The following BEND2 variants were observed in gnomAD, a reference collection of about 807,000 sequenced individuals.
BEND2 encodes the protein BEN domain containing 2, also known as BEN domain-containing protein 2.
In BEND2, 19 loss-of-function variants were observed where a neutral mutation model predicts 43.8. That is an observed-to-expected ratio of 0.43 (90% CI 0.30 to 0.64). BEND2 has a LOEUF of 0.64. Among genes scored for constraint, BEND2 ranks in the 30% least tolerant of loss-of-function variants. BEND2 has a pLI of 0.11. For missense variants in BEND2, 544 were observed against 574.0 expected, an observed-to-expected ratio of 0.95 and a Z score of 0.53; for synonymous variants, 226 against 210.1, an observed-to-expected ratio of 1.08 and a Z score of -0.66.
rs757165944 is a variant in BEND2, at chrX:18,220,684, G to C, written c.25+42C>G. ...GCCATCCAGACTCTTGACAGAACTT[G>C]AGGCCCAAGCTAGCGGGCCAGTTGA... On this transcript the variant is annotated intron_variant, in intron 1 of 13. Coordinates refer to ENST00000380033, the MANE Select transcript of BEND2 (RefSeq NM_153346.5). 5.0e-6 allele frequency: 6 copies of C among 1,208,579 alleles called. No homozygotes were observed. The East Asian group carries it at 1.8e-4, about 36-fold the overall frequency.
At position 18,191,044 on chromosome X, in the gene BEND2, G is replaced by A; in HGVS notation, c.1245C>T (p.Asp415=). 2 of 1,210,146 alleles carry A rather than the reference G, an allele frequency of 1.7e-6. No homozygotes were observed. The highest frequency in any genetic ancestry group is 2.2e-6 in the Non-Finnish European group (2 of 894,932). ...AGGCAGATGCTGAAGCATCATCTTG[G>A]TCACAGTTATTTTTCATTTCAGTTG... ...SYSTEMKNNC[D]QDDASASACL... is the part of the protein sequence containing the mutation. Residue 415 remains aspartate, a synonymous_variant, in exon 8 of 14, where the codon GAC becomes GAT. Coordinates refer to ENST00000380033, the MANE Select transcript of BEND2 (RefSeq NM_153346.5).
chrX:18,200,502 CAA>C (rs397895069), intron 6 of BEND2, among the ~76,000 whole-genome samples: 15 of 38,640 alleles, frequency 3.9e-4, no homozygotes, highest in Non-Finnish European at 3.8e-4. Context: ...GACTCTGTCT[CAA>C]AAAAAAAAAA....
chrX:18,175,969 T>G lies in BEND2; in HGVS notation c.1752+3A>C. The G allele has an allele frequency of 8.5e-7, 1 of 1,182,958 alleles. No individual in the cohort carries two copies. The highest frequency in any genetic ancestry group is 1.1e-6 in the Non-Finnish European group (1 of 880,236). ...TACCATATTTAGATGAAAAATAACT[T>G]ACTGGAGTACTCTTGCCTTCAGAAC... On this transcript the variant is annotated splice_donor_region_variant and intron_variant, in intron 11 of 13. Coordinates refer to ENST00000380033, the MANE Select transcript of BEND2 (RefSeq NM_153346.5).
At chrX:18,220,564 G>T (rs999813375) in intron 1 of BEND2, among the ~76,000 whole-genome samples, 162 bp downstream of exon 1, 1 of 112,245 alleles carries the variant, frequency 8.9e-6, no homozygotes, top group Non-Finnish European at 1.9e-5. Flanking sequence ...CTGAGCAATC[G>T]GCGGCAGATG....
Position 18,177,715 on chromosome X carries a change from G to A in BEND2, c.1484C>T (p.Ala495Val), listed in dbSNP as rs1241168674. 2 of 1,210,601 alleles carry A rather than the reference G, an allele frequency of 1.7e-6. No individual in the cohort carries two copies. The highest frequency in any genetic ancestry group is 2.2e-6 in the Non-Finnish European group (2 of 894,863). ...CTTAGGTTTGGCCATATTTTGTACG[G>A]CCAGCAAATGGATTTTAAGTACTCT... ...NVRVLKIHLL[A>V]VQNMAKPKQA... Residue 495 changes from alanine to valine, a missense_variant, in exon 10 of 14, where the codon GCC becomes GTC. Ala to Val is a moderately conservative substitution (Grantham distance 64, BLOSUM62 0). This residue lies in a region of BEND2 where 501 missense variants were observed against 501.6 expected (regional missense o/e 1.00). Coordinates refer to ENST00000380033, the MANE Select transcript of BEND2 (RefSeq NM_153346.5).
At chrX:18,183,802 TG>T (rs1031838283) in intron 8 of BEND2, among the ~76,000 whole-genome samples, 1 of 109,443 alleles carries the variant, frequency 9.1e-6, no homozygotes, top group Non-Finnish European at 1.9e-5. Context: ...GAGGGAAGAG[TG>T]GGAAGGACTT....
chrX:18,185,353 C>T (rs1370711597), intron 8 of BEND2, among the ~76,000 whole-genome samples: 1 of 107,823 alleles, frequency 9.3e-6, no homozygotes, highest in East Asian at 2.9e-4. Flanking sequence ...ACGTGACGAA[C>T]CCCCATTTCT....
intron 6 of BEND2, among the ~76,000 whole-genome samples, chrX:18,200,997 A>G (rs1438350141): frequency 2.7e-5 from 3 of 112,280 alleles, no homozygotes; most frequent in Non-Finnish European, 5.6e-5. Flanking sequence ...GCTAAAGCAT[A>G]AACAGTTCTC....
At chrX:18,174,362 G>T in intron 11 of BEND2, 104 bp from the exon 12 acceptor site, 1 of 694,716 alleles carries the variant, frequency 1.4e-6, no homozygotes, top group South Asian at 2.7e-5. Context: ...GGAAGCAACT[G>T]ACTCTTTAAA....
At chrX:18,212,999 G>T (rs1218306648) in intron 3 of BEND2, among the ~76,000 whole-genome samples, 2 of 111,332 alleles carry the variant, frequency 1.8e-5, no homozygotes, top group Non-Finnish European at 3.8e-5. Flanking sequence ...TTTTGTAAAG[G>T]AGCCCCCAAA....
intron 8 of BEND2, among the ~76,000 whole-genome samples, chrX:18,189,214 A>C (rs1239111572): frequency 9.2e-6 from 1 of 108,838 alleles, no homozygotes; most frequent in Non-Finnish European, 1.9e-5. Context: ...AAAAAAAAAA[A>C]AAATCATTCA....
At chrX:18,168,474 G>A (rs1923879763) in intron 13 of BEND2, among the ~76,000 whole-genome samples, 1 of 112,020 alleles carries the variant, frequency 8.9e-6, no homozygotes, top group Non-Finnish European at 1.9e-5. Flanking sequence ...AAGTGTTCAA[G>A]CCCAGGGGAG....
At chrX:18,219,140 C>T (rs751027904) in intron 1 of BEND2, among the ~76,000 whole-genome samples, 24 of 112,246 alleles carry the variant, frequency 2.1e-4, no homozygotes, top group Admixed American at 1.9e-4. Flanking sequence ...AGAACCGTAT[C>T]CCATCGCCCA....
chrX:18,207,747 A>T (rs779366080), intron 4 of BEND2, among the ~76,000 whole-genome samples: 2 of 112,970 alleles, frequency 1.8e-5, no homozygotes, highest in Non-Finnish European at 3.7e-5. Flanking sequence ...GGTCAGGCAC[A>T]GTGGCTCACG....
rs1327448533 is a variant in BEND2, at chrX:18,220,865, C to T, written c.-115G>A. The stretch of plus-strand genomic sequence containing the variant: ...TTGGTAACTGTGTGGTAACTGCGTA[C>T]ACTCGTTGTCCGAGGCACAATGAGG... On this transcript the variant is annotated 5_prime_UTR_variant, in exon 1 of 14. Transcript: ENST00000380033. The T allele has an allele frequency of 1.2e-6, 1 of 858,954 alleles. No homozygotes were observed. Among genetic ancestry groups the T allele is most frequent in the Non-Finnish European group, 1.6e-6 (1 of 614,666 alleles). The allele number at this position is 858,954 out of a possible 1,213,427, so 70.8% of individuals were successfully genotyped here.
intron 8 of BEND2, among the ~76,000 whole-genome samples, chrX:18,181,594 A>G (rs765818347): frequency 8.9e-6 from 1 of 112,154 alleles, no homozygotes; most frequent in Non-Finnish European, 1.9e-5. Context: ...TCTGATACCT[A>G]TAACAATGAT....
rs1196687680 is a variant in BEND2 at position 18,166,011 on chromosome X, A to T, written c.2186-788T>A. Among the ~76,000 whole-genome samples, 3 of 112,047 alleles carry T rather than the reference A, an allele frequency of 2.7e-5. No individual in the cohort carries two copies. In the Admixed American group the frequency reaches 2.8e-4, roughly 11 times the overall value. On this transcript the variant is annotated intron_variant, in intron 13 of 13. Coordinates refer to ENST00000380033, the MANE Select transcript of BEND2 (RefSeq NM_153346.5). ...TGCCATAAACATCACATATATCCAA[A>T]TTTTTTAGCAAAGCATGTGTCAAGG... is the stretch of plus-strand genomic sequence containing the variant.
rs752269632 is a variant in BEND2 at position 18,175,965 on chromosome X, A to G, written c.1752+7T>C. 5.9e-6 allele frequency: 7 copies of G among 1,179,250 alleles called. No individual in the cohort carries two copies. The highest frequency in any genetic ancestry group is 4.8e-5 in the Admixed American group (2 of 41,530). On this transcript the variant is annotated splice_region_variant and intron_variant, in intron 11 of 13. Coordinates refer to ENST00000380033, the MANE Select transcript of BEND2 (RefSeq NM_153346.5). ...CAGTTACCATATTTAGATGAAAAAT[A>G]ACTTACTGGAGTACTCTTGCCTTCA...
At chrX:18,206,701 G>T (rs1391870501) in intron 4 of BEND2, among the ~76,000 whole-genome samples, 2 of 110,957 alleles carry the variant, frequency 1.8e-5, no homozygotes, top group Non-Finnish European at 3.8e-5. Context: ...GGGGGCAGTT[G>T]GTTGGCTGTG....
Sources: gnomAD v4.1 joint callset for allele counts (sites outside exome capture counted in the v4.1 genomes callset) on GRCh38, gnomAD v4.1.1 for gene constraint, gnomAD v4.1.1 regional missense constraint, MANE v1.5 for transcripts, NCBI Gene and HGNC (gene_info 2026-07-23, HGNC 2026-07-21) for gene names.